The following GRK4 variants were observed in gnomAD, a reference collection of about 807,000 sequenced individuals.
GRK4 encodes the protein G protein-coupled receptor kinase 2-like.
A neutral mutation model predicts 77.9 loss-of-function variants in GRK4; 73 were observed. That is an observed-to-expected ratio of 0.94 (90% CI 0.78 to 1.14). GRK4 has a LOEUF of 1.14. GRK4 is among the 50% of genes most tolerant of loss of function. GRK4 has a pLI of 0.00. For synonymous variants in GRK4, 257 were observed against 254.4 expected (o/e 1.01, Z -0.10); for missense variants, 729 against 700.2 (o/e 1.04, Z -0.46).
At chr4:3,025,926 C>T (rs1396133458) in intron 10 of GRK4, among the ~76,000 whole-genome samples, 1 of 152,220 alleles carries the variant, frequency 6.6e-6, no homozygotes, top group African/African-American at 2.4e-5. Context: ...CTCCACGTGG[C>T]TATTTCACTG....
Position 3,035,506 on chromosome 4 carries a change from C to A in GRK4, c.1390C>A (p.Pro464Thr), listed in dbSNP as rs758513559. Reference protein sequence around the residue: ...FRRLEANMLEPPFCPDPHAVY... With the variant: ...FRRLEANMLETPFCPDPHAVY... The stretch of plus-strand genomic sequence containing the variant: ...GAGGCTGGAGGCAAACATGCTGGAG[C>A]CCCCTTTCTGTCCTGATGTAAGTGC... Residue 464 changes from proline (P) to threonine (T), a missense_variant, in exon 13 of 16, where the codon CCC becomes ACC. Transcript: ENST00000398052. 5.0e-6 allele frequency: 8 copies of A among 1,613,754 alleles called. No individual in the cohort carries two copies. The South Asian group carries it at 7.7e-5, about 16-fold the overall frequency.
chr4:3,039,135 G>T (rs1401433678), intron 15 of GRK4, among the ~76,000 whole-genome samples: 1 of 152,112 alleles, frequency 6.6e-6, no homozygotes, highest in African/African-American at 2.4e-5. Context: ...AGAATCGCGT[G>T]AACCCAGGAG....
chr4:3,002,301 A>G (rs993829130), intron 4 of GRK4, among the ~76,000 whole-genome samples: 5 of 152,128 alleles, frequency 3.3e-5, no homozygotes, highest in African/African-American at 1.2e-4. Flanking sequence ...ACGTCAGCAC[A>G]TACTTTAAAC....
At chr4:2,981,916 C>T (rs773915208) in intron 1 of GRK4, among the ~76,000 whole-genome samples, 5 of 152,260 alleles carry the variant, frequency 3.3e-5, no homozygotes, top group Non-Finnish European at 7.3e-5. Flanking sequence ...TGTCCAAAGT[C>T]TGGAGGGGGC....
At chr4:3,020,144 C>CA (rs1735664348) in intron 9 of GRK4, among the ~76,000 whole-genome samples, 1 of 152,138 alleles carries the variant, frequency 6.6e-6, no homozygotes, top group Non-Finnish European at 1.5e-5. Context: ...GCTGGGACTA[C>CA]AGGCACCCGC....
intron 5 of GRK4, among the ~76,000 whole-genome samples, 191 bp downstream of exon 5, chr4:3,004,525 C>G (rs982513570): frequency 6.6e-6 from 1 of 152,130 alleles, no homozygotes; most frequent in South Asian, 2.1e-4. Flanking sequence ...TTTTGACTCC[C>G]CCAAAAGCTT....
chr4:2,964,660 C>G (rs1023170685), intron 1 of GRK4, among the ~76,000 whole-genome samples: 2 of 152,048 alleles, frequency 1.3e-5, no homozygotes, highest in South Asian at 2.1e-4. Flanking sequence ...TTTAGCACGA[C>G]GTGGTCACAG....
rs201929075 is a variant in GRK4 at position 3,001,211 on chromosome 4, GTA to G, written c.340-3012_340-3011del. 1.2e-3 allele frequency among the ~76,000 whole-genome samples: 163 copies of G among 131,784 alleles called. 8 individuals are homozygous for G. Among genetic ancestry groups the G allele is most frequent in the African/African-American group, 4.1e-3 (137 of 33,306 alleles). The allele number at this position is 131,784 out of a possible 152,430, so 86.5% of individuals were successfully genotyped here. A position where few individuals can be genotyped will look rare whatever the true frequency, so the allele number is the denominator to read the frequency against. The stretch of plus-strand genomic sequence containing the variant: ...TATATATATGTATATATGTGTATGT[GTA>G]TATATATGTATATATGTGTATGTGT... On this transcript the variant is annotated intron_variant, in intron 4 of 15. Coordinates refer to ENST00000398052, the MANE Select transcript of GRK4 (RefSeq NM_182982.3).
intron 7 of GRK4, among the ~76,000 whole-genome samples, chr4:3,011,886 T>C (rs1733019571): frequency 6.6e-6 from 1 of 152,230 alleles, no homozygotes; most frequent in Admixed American, 6.5e-5. Context: ...ACATCTCTGC[T>C]GTCATGGTTT....
At chr4:3,030,359 C>A (rs1415465012) in intron 12 of GRK4, among the ~76,000 whole-genome samples, 1 of 152,212 alleles carries the variant, frequency 6.6e-6, no homozygotes, top group Non-Finnish European at 1.5e-5. Flanking sequence ...ACTGCCCAGA[C>A]ACTCAATCAG....
intron 4 of GRK4, among the ~76,000 whole-genome samples, chr4:2,998,069 A>T (rs1397054959): frequency 6.6e-6 from 1 of 152,134 alleles, no homozygotes; most frequent in Non-Finnish European, 1.5e-5. Flanking sequence ...AAGAAATAAA[A>T]GGTATTCACC....
At position 2,963,634 on chromosome 4, in the gene GRK4, C is replaced by T. The variant is rs1276355307; in HGVS notation, c.-437C>T. 2.8e-5 allele frequency: 11 copies of T among 391,740 alleles called. No individual in the cohort carries two copies. The highest frequency in any genetic ancestry group is 5.4e-5 in the South Asian group (1 of 18,600). The allele number at this position is 391,740 out of a possible 1,614,324, so 24.3% of individuals were successfully genotyped here. A position where few individuals can be genotyped will look rare whatever the true frequency, so the allele number is the denominator to read the frequency against. On this transcript the variant is annotated 5_prime_UTR_variant, in exon 1 of 16. Transcript: ENST00000398052. ...TCAGCTAAGCCGTTAGCGCCGAGCC[C>T]GCCCGGGAGCGGGTCGCCGGCCGCG... is the stretch of plus-strand genomic sequence containing the variant.
chr4:3,039,749 T>C (rs10010375), intron 15 of GRK4, among the ~76,000 whole-genome samples: 8,500 of 147,712 alleles, frequency 0.058, 366 homozygotes, highest in African/African-American at 0.12. Context: ...GTGGGAAATA[T>C]CTCAAAGTGG....
intron 12 of GRK4, among the ~76,000 whole-genome samples, chr4:3,031,236 G>A (rs1739083437): frequency 6.6e-6 from 1 of 152,164 alleles, no homozygotes; most frequent in Non-Finnish European, 1.5e-5. Context: ...GCACAGCTGG[G>A]GAGACGTGAG....
At chr4:2,968,638 A>G (rs995609679) in intron 1 of GRK4, among the ~76,000 whole-genome samples, 4 of 152,156 alleles carry the variant, frequency 2.6e-5, no homozygotes, top group African/African-American at 9.7e-5. Context: ...TGGAGACCAC[A>G]TTCTTATAGG....
intron 1 of GRK4, among the ~76,000 whole-genome samples, chr4:2,971,703 T>A (rs968466514): frequency 6.6e-6 from 1 of 152,096 alleles, no homozygotes; most frequent in Non-Finnish European, 1.5e-5. Flanking sequence ...GAGGCCGGAG[T>A]GCAAAATCAA....
At position 2,998,020 on chromosome 4, in the gene GRK4, T is replaced by C. The variant is rs943557476; in HGVS notation, c.339+5728T>C. Among the ~76,000 whole-genome samples, 4 of 152,066 alleles carry C rather than the reference T, an allele frequency of 2.6e-5. No individual in the cohort carries two copies. In the South Asian group the frequency reaches 6.2e-4, roughly 24 times the overall value. On this transcript the variant is annotated intron_variant, in intron 4 of 15. Coordinates refer to ENST00000398052, the MANE Select transcript of GRK4 (RefSeq NM_182982.3). ...CAACTAGGGTCAACTGTAAGTTCCA[T>C]TGTACTGGAGGTTCTAGACAGGGCA...
chr4:3,029,665 A>C (rs1738602880), intron 12 of GRK4, among the ~76,000 whole-genome samples: 3 of 152,098 alleles, frequency 2.0e-5, no homozygotes, highest in Admixed American at 2.0e-4. Context: ...CTCCTGGCCC[A>C]GCAGGGAGGA....
intron 10 of GRK4, among the ~76,000 whole-genome samples, chr4:3,024,873 A>AAACAAC (rs1009007240): frequency 6.6e-6 from 1 of 152,002 alleles, no homozygotes; most frequent in African/African-American, 2.4e-5. Context: ...ACAAACAAAC[A>AAACAAC]AACAACAACA....
Sources: gnomAD v4.1 joint callset for allele counts (sites outside exome capture counted in the v4.1 genomes callset) on GRCh38, gnomAD v4.1.1 for gene constraint, MANE v1.5 for transcripts, NCBI Gene and HGNC (gene_info 2026-07-23, HGNC 2026-07-21) for gene names.